Variants in USP15 observed in about 807,000 individuals in gnomAD.
USP15 encodes ubiquitin specific peptidase 15, also known as ubiquitin carboxyl-terminal hydrolase 15.
In USP15, 18 loss-of-function variants were observed where a neutral mutation model predicts 127.1. The ratio of observed to expected loss-of-function variants is 0.14; its 90% CI spans 0.10 to 0.21. USP15 has a LOEUF of 0.21. Among genes scored for constraint, USP15 ranks in the 10% least tolerant of loss-of-function variants. USP15 has a pLI of 1.00. For missense variants in USP15, 805 were observed against 1,159.9 expected (o/e 0.69, Z 4.44); for synonymous variants, 364 against 393.7 (o/e 0.92, Z 0.89).
At position 62,382,021 on chromosome 12, in the gene USP15, A is replaced by ATAC. The variant is rs769474809; in HGVS notation, c.1089+358_1089+359insTAC. Among the ~76,000 whole-genome samples the ATAC allele has an allele frequency of 9.2e-4, 140 of 152,166 alleles. 3 individuals are homozygous for ATAC. The highest frequency in any genetic ancestry group is 1.9e-3 in the Non-Finnish European group (127 of 67,920). ...AGTACATCTCTGGAAAACCTATGTG[A>ATAC]ATATTCTATACAAATGTAAAAGACT... On this transcript the variant is annotated intron_variant, in intron 9 of 21. Coordinates refer to ENST00000280377, the MANE Select transcript of USP15 (RefSeq NM_001252078.2).
chr12:62,260,438 T>C lies in USP15; in HGVS notation c.24T>C (p.Asp8=), dbSNP rs755548885. MAEGGAA[D]LDTQRSDIAT... ...AGATGGCGGAAGGCGGAGCGGCGGA[T>C]CTGGACACCCAGCGGTCTGACATCG... Residue 8 remains aspartate, a synonymous_variant, in exon 1 of 22, where the codon GAT becomes GAC. Coordinates refer to ENST00000280377, the MANE Select transcript of USP15 (RefSeq NM_001252078.2). 7.7e-6 allele frequency: 12 copies of C among 1,551,636 alleles called. No individual in the cohort carries two copies. Among genetic ancestry groups the C allele is most frequent in the Non-Finnish European group, 9.6e-6 (11 of 1,147,758 alleles).
chr12:62,330,116 C>A lies in USP15; in HGVS notation c.683+4183C>A, dbSNP rs1410249242. ...GTTGAGAGAAAGAAACAATGAGATT[C>A]ATAAATATTTAAGAAAATAGAAAAA... is the stretch of plus-strand genomic sequence containing the variant. On this transcript the variant is annotated intron_variant, in intron 6 of 21. Coordinates refer to ENST00000280377, the MANE Select transcript of USP15 (RefSeq NM_001252078.2). 2.0e-5 allele frequency among the ~76,000 whole-genome samples: 3 copies of A among 151,774 alleles called. No individual in the cohort carries two copies. In the East Asian group the frequency reaches 5.8e-4, roughly 29 times the overall value.
intron 18 of USP15, among the ~76,000 whole-genome samples, chr12:62,392,636 C>CT (rs2067359255): frequency 6.6e-6 from 1 of 151,868 alleles, no homozygotes; most frequent in Non-Finnish European, 1.5e-5. Context: ...TTTTAGTTAC[C>CT]TTTTTTCCAA....
Position 62,406,183 on chromosome 12 carries a change from C to G in USP15, c.*1808C>G, listed in dbSNP as rs1400488210. ...AATCCCCTACTTTATGGTTAGATGA[C>G]TATATGCTAGACTTTTTAGTTATAA... On this transcript the variant is annotated 3_prime_UTR_variant, in exon 22 of 22. Coordinates refer to ENST00000280377, the MANE Select transcript of USP15 (RefSeq NM_001252078.2). 6.6e-6 allele frequency: 1 copy of G among 151,884 alleles called. No homozygotes were observed. The highest frequency in any genetic ancestry group is 1.5e-5 in the Non-Finnish European group (1 of 67,940). 9.4% of individuals were successfully genotyped at this position (151,884 alleles called of 1,614,324 possible).
chr12:62,279,235 TG>T (rs2063580812), intron 1 of USP15: 1 of 152,152 alleles, frequency 6.6e-6, no homozygotes, highest in Admixed American at 6.6e-5. Context: ...ACCTCATAAG[TG>T]GAATCATGCA....
At chr12:62,334,255 G>A (rs2065390404) in intron 6 of USP15, 1 of 152,114 alleles carries the variant, frequency 6.6e-6, no homozygotes, top group Non-Finnish European at 1.5e-5. Flanking sequence ...GTTAATGTAT[G>A]TTTCAAAATT....
Position 62,415,897 on chromosome 12 carries a change from C to A in USP15, c.*11522C>A, listed in dbSNP as rs2068143121. 6.6e-6 allele frequency: 1 copy of A among 151,970 alleles called. No homozygotes were observed. The highest frequency in any genetic ancestry group is 2.4e-5 in the African/African-American group (1 of 41,358). 9.4% of individuals were successfully genotyped at this position (151,970 alleles called of 1,614,324 possible). ...GGTATTATTACTAATAAAGAAGTAC[C>A]CAACTATGGGAATGATTGTTCCTTC... On this transcript the variant is annotated 3_prime_UTR_variant, in exon 22 of 22. Coordinates refer to ENST00000280377, the MANE Select transcript of USP15 (RefSeq NM_001252078.2).
intron 1 of USP15, chr12:62,277,716 A>AT: frequency 6.6e-6 from 1 of 151,562 alleles, no homozygotes; most frequent in East Asian, 1.9e-4. Flanking sequence ...GAAAAAAAAA[A>AT]TCACAAAAAA....
In USP15 at chr12:62,410,914, G is replaced by T. The variant is rs2068024914; in HGVS notation, c.*6539G>T. On this transcript the variant is annotated 3_prime_UTR_variant, in exon 22 of 22. Transcript: ENST00000280377. ...AGACTTGGAACAGAAGTCTTAGTAT[G>T]ATGGTAAACTTGAAAATTAAAATTT... 1 of 151,464 alleles carries T rather than the reference G, an allele frequency of 6.6e-6. No individual in the cohort carries two copies. Among genetic ancestry groups the T allele is most frequent in the Admixed American group, 6.6e-5 (1 of 15,174 alleles). 9.4% of individuals were successfully genotyped at this position (151,464 alleles called of 1,614,324 possible).
At chr12:62,298,627 T>C (rs1207106198) in intron 2 of USP15, among the ~76,000 whole-genome samples, 2 of 151,952 alleles carry the variant, frequency 1.3e-5, no homozygotes, top group Non-Finnish European at 2.9e-5. Context: ...ATCATGCTAC[T>C]GCACTCTAGC....
At chr12:62,388,985 C>T (rs1318382057) in intron 11 of USP15, among the ~76,000 whole-genome samples, 1 of 152,120 alleles carries the variant, frequency 6.6e-6, no homozygotes, top group East Asian at 1.9e-4. Flanking sequence ...ATTAGCCAGT[C>T]ATGGTGTCAC....
chr12:62,338,685 T>G (rs2065556246), intron 6 of USP15, among the ~76,000 whole-genome samples: 1 of 152,198 alleles, frequency 6.6e-6, no homozygotes, highest in Non-Finnish European at 1.5e-5. Context: ...GTTTTCTGCA[T>G]ATGGCTAGCC....
intron 3 of USP15, among the ~76,000 whole-genome samples, chr12:62,311,691 A>G (rs1229676743): frequency 1.3e-5 from 2 of 151,738 alleles, no homozygotes; most frequent in Admixed American, 1.3e-4. Flanking sequence ...AGATGTTTGC[A>G]TCCTGTTCAG....
chr12:62,359,627 C>T (rs1339770415), intron 8 of USP15, among the ~76,000 whole-genome samples: 2 of 152,088 alleles, frequency 1.3e-5, no homozygotes, highest in South Asian at 2.1e-4. Flanking sequence ...TCTTTTTCCA[C>T]GTGGACCTTA....
intron 7 of USP15, among the ~76,000 whole-genome samples, chr12:62,350,149 A>G (rs1263351599): frequency 2.0e-5 from 3 of 151,940 alleles, no homozygotes; most frequent in Non-Finnish European, 4.4e-5. Flanking sequence ...ATACTAATCA[A>G]AAATTTTAGT....
chr12:62,344,791 C>T (rs909566396), intron 6 of USP15, among the ~76,000 whole-genome samples: 4 of 152,222 alleles, frequency 2.6e-5, no homozygotes, highest in Non-Finnish European at 4.4e-5. Context: ...ACAGGCCCAA[C>T]ACCACATGGA....
intron 4 of USP15, among the ~76,000 whole-genome samples, chr12:62,316,020 C>G (rs1035788569): frequency 3.3e-5 from 5 of 152,096 alleles, no homozygotes; most frequent in African/African-American, 1.2e-4. Flanking sequence ...CGCAGTGGCT[C>G]ACACCTGTAA....
chr12:62,396,164 A>C, intron 19 of USP15, 131 bp from the exon 20 acceptor site: 1 of 397,522 alleles, frequency 2.5e-6, no homozygotes, highest in Non-Finnish European at 4.3e-6. Context: ...ATATATATAT[A>C]TATAGATAGA....
intron 8 of USP15, among the ~76,000 whole-genome samples, chr12:62,368,150 T>G (rs1401083219): frequency 6.6e-6 from 1 of 152,190 alleles, no homozygotes; most frequent in East Asian, 1.9e-4. Flanking sequence ...GAGTTCTAAT[T>G]TGATTTTACT....
Sources: gnomAD v4.1 joint callset for allele counts (sites outside exome capture counted in the v4.1 genomes callset) on GRCh38, gnomAD v4.1.1 for gene constraint, MANE v1.5 for transcripts, NCBI Gene and HGNC (gene_info 2026-07-23, HGNC 2026-07-21) for gene names.